Variants in DPP10 observed in about 807,000 individuals in gnomAD.
The protein encoded by DPP10 is inactive dipeptidyl peptidase 10.
Under a neutral mutation model 120.9 loss-of-function variants are expected in DPP10, and 33 were observed. The observed-to-expected ratio is 0.27, with a 90% CI of 0.21 to 0.37. DPP10 has a LOEUF of 0.37. Among genes scored for constraint, DPP10 ranks in the 10% least tolerant of loss-of-function variants. DPP10 has a pLI of 1.00. For missense variants in DPP10, 816 were observed against 942.8 expected, an observed-to-expected ratio of 0.87 and a Z score of 1.76; for synonymous variants, 337 against 326.1, an observed-to-expected ratio of 1.03 and a Z score of -0.36.
chr2:115,477,623 A>T (rs1232115979), intron 3 of DPP10, among the ~76,000 whole-genome samples: 1 of 152,158 alleles, frequency 6.6e-6, no homozygotes, highest in Non-Finnish European at 1.5e-5. Context: ...AATCCCAATG[A>T]TTTTTTGCAT....
chr2:114,826,411 G>A (rs891354105), intron 1 of DPP10, among the ~76,000 whole-genome samples: 4 of 152,158 alleles, frequency 2.6e-5, no homozygotes, highest in Admixed American at 1.3e-4. Flanking sequence ...TATGGAAAAG[G>A]TCATGCCTGA....
At chr2:114,578,690 G>A (rs1313093314) in intron 1 of DPP10, among the ~76,000 whole-genome samples, 3 of 152,034 alleles carry the variant, frequency 2.0e-5, no homozygotes, top group Non-Finnish European at 4.4e-5. Context: ...AAATTGAGAC[G>A]GTGTTCTGGA....
chr2:115,008,591 A>C (rs1702031522), intron 1 of DPP10, among the ~76,000 whole-genome samples: 2 of 102,406 alleles, frequency 2.0e-5, no homozygotes, highest in South Asian at 5.8e-4. Context: ...ATCTAATTAA[A>C]GTAAAGAGCT....
intron 3 of DPP10, among the ~76,000 whole-genome samples, chr2:115,347,984 T>C (rs2063793731): frequency 6.6e-6 from 1 of 152,078 alleles, no homozygotes; most frequent in African/African-American, 2.4e-5. Context: ...TTGGGAGTAA[T>C]GGGATTTCAA....
At chr2:115,495,631 A>G (rs2076355449) in intron 3 of DPP10, among the ~76,000 whole-genome samples, 1 of 152,142 alleles carries the variant, frequency 6.6e-6, no homozygotes, top group Admixed American at 6.6e-5. Context: ...ATTTTAAATT[A>G]GGATACTATG....
At chr2:115,491,305 G>A (rs1490727408) in intron 3 of DPP10, among the ~76,000 whole-genome samples, 5 of 152,116 alleles carry the variant, frequency 3.3e-5, no homozygotes, top group African/African-American at 1.2e-4. Flanking sequence ...GGTATCCAGG[G>A]CAGGGGGAGT....
intron 1 of DPP10, among the ~76,000 whole-genome samples, chr2:115,303,005 C>T (rs530565248): frequency 4.9e-4 from 75 of 152,072 alleles, no homozygotes; most frequent in Admixed American, 4.9e-3. Context: ...GTATTCTTAA[C>T]TGATGTCTTG....
At chr2:114,712,137 T>G (rs1407012043) in intron 1 of DPP10, among the ~76,000 whole-genome samples, 1 of 151,948 alleles carries the variant, frequency 6.6e-6, no homozygotes, top group Non-Finnish European at 1.5e-5. Flanking sequence ...CTAGCCAACA[T>G]GGTGAAACCC....
At chr2:115,305,916 T>C (rs1447482673) in intron 1 of DPP10, among the ~76,000 whole-genome samples, 1 of 151,988 alleles carries the variant, frequency 6.6e-6, no homozygotes, top group Non-Finnish European at 1.5e-5. Context: ...CATTCATTCA[T>C]GACATAATGA....
intron 3 of DPP10, chr2:115,468,443 C>G: frequency 2.2e-6 from 1 of 453,706 alleles, no homozygotes; most frequent in Non-Finnish European, 4.4e-6. Flanking sequence ...GGGCTGGCCA[C>G]TGTCCTCTCA....
chr2:114,465,492 T>C (rs1679286267), intron 1 of DPP10, among the ~76,000 whole-genome samples: 1 of 152,194 alleles, frequency 6.6e-6, no homozygotes. Context: ...TCCCAGCCAA[T>C]GGCTGCTGCA....
intron 1 of DPP10, among the ~76,000 whole-genome samples, chr2:114,936,714 T>C (rs898930336): frequency 6.6e-5 from 10 of 152,130 alleles, no homozygotes; most frequent in Admixed American, 5.9e-4. Flanking sequence ...TATTACAGTG[T>C]AGAGGTATTA....
chr2:114,933,760 G>A (rs1053208520), intron 1 of DPP10, among the ~76,000 whole-genome samples: 18 of 152,130 alleles, frequency 1.2e-4, no homozygotes, highest in African/African-American at 4.3e-4. Flanking sequence ...GAATTGCCTT[G>A]GGGACTGTTT....
chr2:114,804,865 G>A (rs1041722955), intron 1 of DPP10, among the ~76,000 whole-genome samples: 3 of 152,126 alleles, frequency 2.0e-5, no homozygotes, highest in Non-Finnish European at 4.4e-5. Context: ...AGGCATGATT[G>A]GTTTTGAAAT....
chr2:115,313,561 G>T (rs2106051554), intron 2 of DPP10, among the ~76,000 whole-genome samples: 1 of 152,244 alleles, frequency 6.6e-6, no homozygotes, highest in East Asian at 1.9e-4. Context: ...TTTAGTCAAA[G>T]AAATGTTTTA....
chr2:114,455,156 T>TTGTGTGTGTGTGTGTGTG (rs141717813), intron 1 of DPP10, among the ~76,000 whole-genome samples: 2 of 147,492 alleles, frequency 1.4e-5, no homozygotes, highest in Admixed American at 6.8e-5. Flanking sequence ...TTTCTTTCTA[T>TTGTGTGTGTGTGTGTGTG]TGTGTGTGTG....
At chr2:114,869,318 G>A (rs183982073) in intron 1 of DPP10, among the ~76,000 whole-genome samples, 13 of 152,126 alleles carry the variant, frequency 8.5e-5, no homozygotes, top group South Asian at 8.3e-4. Flanking sequence ...GGTTTATTGC[G>A]CACTGTTTGT....
At chr2:114,669,150 T>C (rs998601466) in intron 1 of DPP10, among the ~76,000 whole-genome samples, 1 of 152,156 alleles carries the variant, frequency 6.6e-6, no homozygotes, top group Non-Finnish European at 1.5e-5. Flanking sequence ...CTCTAGTGAT[T>C]GCTATTTTAA....
chr2:115,100,675 C>T (rs2048650433), intron 1 of DPP10, among the ~76,000 whole-genome samples: 1 of 152,078 alleles, frequency 6.6e-6, no homozygotes, highest in Non-Finnish European at 1.5e-5. Context: ...TGCTGACTGA[C>T]ATGAACTGGC....
Sources: gnomAD v4.1 joint callset for allele counts (sites outside exome capture counted in the v4.1 genomes callset) on GRCh38, gnomAD v4.1.1 for gene constraint, MANE v1.5 for transcripts, NCBI Gene and HGNC (gene_info 2026-07-23, HGNC 2026-07-21) for gene names.